Variants in SPIDR observed in about 807,000 individuals in gnomAD.
SPIDR encodes scaffold protein involved in DNA repair, also known as DNA repair-scaffolding protein.
A neutral mutation model predicts 104.6 loss-of-function variants in SPIDR; 93 were observed. The ratio of observed to expected loss-of-function variants is 0.89; its 90% CI spans 0.75 to 1.06. SPIDR has a LOEUF of 1.06. Ranked by LOEUF, SPIDR falls within the 50% of genes least tolerant of loss-of-function variation. SPIDR has a pLI of 0.00. For synonymous variants in SPIDR, 431 were observed against 416.9 expected, an observed-to-expected ratio of 1.03 and a Z score of -0.41; for missense variants, 1,154 against 1,111.2, an observed-to-expected ratio of 1.04 and a Z score of -0.55.
chr8:47,416,977 T>C (rs1443365771), intron 7 of SPIDR, among the ~76,000 whole-genome samples: 9 of 152,240 alleles, frequency 5.9e-5, no homozygotes, highest in African/African-American at 2.2e-4. Flanking sequence ...TATGGCTGCA[T>C]AGTATTCCAT....
chr8:47,435,533 G>C (rs1180817789), intron 7 of SPIDR, among the ~76,000 whole-genome samples: 1 of 151,950 alleles, frequency 6.6e-6, no homozygotes. Flanking sequence ...TAGATCTCTT[G>C]GTGTATCTTC....
chr8:47,679,688 T>A (rs2076868038), intron 11 of SPIDR, among the ~76,000 whole-genome samples: 1 of 152,268 alleles, frequency 6.6e-6, no homozygotes, highest in South Asian at 2.1e-4. Context: ...CCAAGTCTAA[T>A]GGACCTATGA....
At chr8:47,406,039 C>T (rs1307339868) in intron 6 of SPIDR, among the ~76,000 whole-genome samples, 21 of 150,582 alleles carry the variant, frequency 1.4e-4, no homozygotes, top group Admixed American at 7.9e-4. Flanking sequence ...AGTTTTCTTA[C>T]GAGGTTCTAG....
At chr8:47,647,242 AAAAT>A (rs1487950653) in intron 10 of SPIDR, among the ~76,000 whole-genome samples, 29 of 152,206 alleles carry the variant, frequency 1.9e-4, no homozygotes, top group Admixed American at 4.6e-4. Flanking sequence ...AATAAGGGCC[AAAAT>A]AAATAAATAA....
At chr8:47,294,465 A>G (rs2040480631) in intron 5 of SPIDR, 1 of 158,124 alleles carries the variant, frequency 6.3e-6, no homozygotes, top group South Asian at 1.9e-4. Context: ...AGTGTTATGT[A>G]CCAGGGAACT....
intron 8 of SPIDR, among the ~76,000 whole-genome samples, chr8:47,495,873 T>A (rs2079372439): frequency 6.6e-6 from 1 of 152,168 alleles, no homozygotes; most frequent in Non-Finnish European, 1.5e-5. Context: ...TCCCATTGAT[T>A]TATATTTCTG....
At chr8:47,692,705 C>T (rs531242507) in intron 11 of SPIDR, among the ~76,000 whole-genome samples, 1 of 152,144 alleles carries the variant, frequency 6.6e-6, no homozygotes, top group South Asian at 2.1e-4. Context: ...GCCTCATCCT[C>T]CCAAAGTGCT....
At chr8:47,295,297 G>A (rs1386686536) in intron 5 of SPIDR, among the ~76,000 whole-genome samples, 1 of 152,106 alleles carries the variant, frequency 6.6e-6, no homozygotes, top group South Asian at 2.1e-4. Flanking sequence ...CTCCTTATGA[G>A]TTGTATTTTT....
At chr8:47,540,178 G>A (rs2087820426) in intron 8 of SPIDR, among the ~76,000 whole-genome samples, 1 of 152,232 alleles carries the variant, frequency 6.6e-6, no homozygotes, top group African/African-American at 2.4e-5. Flanking sequence ...AAGGTTATAA[G>A]GCTAATTTAG....
intron 1 of SPIDR, among the ~76,000 whole-genome samples, chr8:47,263,313 C>T (rs768142557): frequency 3.3e-5 from 5 of 152,206 alleles, no homozygotes; most frequent in Admixed American, 6.5e-5. Context: ...CGTCACTGTA[C>T]TTGCTTGCCC....
At chr8:47,402,130 A>T (rs974459645) in intron 6 of SPIDR, among the ~76,000 whole-genome samples, 1 of 152,164 alleles carries the variant, frequency 6.6e-6, no homozygotes, top group African/African-American at 2.4e-5. Flanking sequence ...TTATAACAAA[A>T]TGTCTCTGAG....
At chr8:47,369,411 A>G (rs782345952) in intron 5 of SPIDR, among the ~76,000 whole-genome samples, 35 of 152,310 alleles carry the variant, frequency 2.3e-4, no homozygotes, top group Non-Finnish European at 4.0e-4. Flanking sequence ...TAGTTTCTTC[A>G]ATATTTTCTC....
At chr8:47,713,741 G>T in intron 16 of SPIDR, 100 bp downstream of exon 16, 1 of 1,476,432 alleles carries the variant, frequency 6.8e-7, no homozygotes, top group Non-Finnish European at 9.1e-7. Context: ...TGGAGCACCC[G>T]CTAAGTTCCA....
intron 10 of SPIDR, among the ~76,000 whole-genome samples, chr8:47,666,443 G>A (rs1465191567): frequency 4.6e-5 from 7 of 152,266 alleles, no homozygotes; most frequent in Middle Eastern, 3.4e-3. Context: ...CTGGAAATTA[G>A]GCTGGTATTT....
intron 11 of SPIDR, among the ~76,000 whole-genome samples, chr8:47,680,604 CCTTT>C (rs1330236468): frequency 1.3e-5 from 2 of 152,158 alleles, no homozygotes; most frequent in African/African-American, 4.8e-5. Context: ...TAATTTACTT[CCTTT>C]GATTTTCCTT....
intron 8 of SPIDR, among the ~76,000 whole-genome samples, chr8:47,441,273 G>A (rs1436101514): frequency 2.0e-5 from 3 of 152,172 alleles, no homozygotes; most frequent in African/African-American, 7.2e-5. Flanking sequence ...GGCAATGCCT[G>A]AAGTGCCTTT....
intron 11 of SPIDR, 91 bp from the exon 12 acceptor site, chr8:47,700,312 T>TTAGG: frequency 7.7e-7 from 1 of 1,292,036 alleles, no homozygotes; most frequent in Non-Finnish European, 1.1e-6. Flanking sequence ...GCCTTAGGCA[T>TTAGG]TAGAGTCTGT....
At chr8:47,532,133 C>A (rs1279350087) in intron 8 of SPIDR, among the ~76,000 whole-genome samples, 1 of 148,952 alleles carries the variant, frequency 6.7e-6, no homozygotes, top group African/African-American at 2.5e-5. Flanking sequence ...TGCAATGGCG[C>A]GATCTCGGCT....
At chr8:47,729,236 C>CTATG in intron 18 of SPIDR, 176 bp from the exon 19 acceptor site, 1 of 1,440,654 alleles carries the variant, frequency 6.9e-7, no homozygotes. Context: ...AGGATGCACC[C>CTATG]TATGTGAACA....
Sources: gnomAD v4.1 joint callset for allele counts (sites outside exome capture counted in the v4.1 genomes callset) on GRCh38, gnomAD v4.1.1 for gene constraint, MANE v1.5 for transcripts, NCBI Gene and HGNC (gene_info 2026-07-23, HGNC 2026-07-21) for gene names.